PPP3CA: variants seen among roughly 807,000 people sequenced by gnomAD.
The protein encoded by PPP3CA is protein phosphatase 3 catalytic subunit alpha.
PPP3CA carries 14 observed loss-of-function variants against 66.5 expected under a neutral mutation model. The ratio of observed to expected loss-of-function variants is 0.21; its 90% confidence interval spans 0.14 to 0.33. PPP3CA has a LOEUF of 0.33. Ranked by LOEUF, PPP3CA falls within the 10% of genes least tolerant of loss-of-function variation. The probability of loss-of-function intolerance (pLI) is 1.00; values close to 1 mark genes in which losing one functional copy is unlikely to be tolerated. For missense variants in PPP3CA, 317 were observed against 639.5 expected, an observed-to-expected ratio of 0.50 and a Z score of 5.44; for synonymous variants, 232 against 226.2, an observed-to-expected ratio of 1.03 and a Z score of -0.23.
chr4:101,027,922 T>C (rs1405129330), intron 13 of PPP3CA, among the ~76,000 whole-genome samples: 1 of 152,170 alleles, frequency 6.6e-6, no homozygotes, highest in East Asian at 1.9e-4. Flanking sequence ...GTAGTATACT[T>C]AACACAACAC....
At chr4:101,102,913 C>T (rs1031552866) in intron 3 of PPP3CA, among the ~76,000 whole-genome samples, 2 of 152,082 alleles carry the variant, frequency 1.3e-5, no homozygotes, top group African/African-American at 2.4e-5. Flanking sequence ...TCAACTGGAC[C>T]GCTATTGTCT....
chr4:101,062,805 T>C (rs1728524902), intron 9 of PPP3CA, among the ~76,000 whole-genome samples: 1 of 152,014 alleles, frequency 6.6e-6, no homozygotes, highest in South Asian at 2.1e-4. Context: ...CAATAATTTA[T>C]TAACATCAGA....
At chr4:101,137,347 G>A (rs1301222219) in intron 2 of PPP3CA, among the ~76,000 whole-genome samples, 1 of 152,072 alleles carries the variant, frequency 6.6e-6, no homozygotes, top group African/African-American at 2.4e-5. Flanking sequence ...ACTGAGTCAT[G>A]CCCTGAAATA....
At chr4:101,208,231 T>TCA (rs3840151) in intron 1 of PPP3CA, among the ~76,000 whole-genome samples, 13,331 of 151,358 alleles carry the variant, frequency 0.088, 714 homozygotes, top group East Asian at 0.23. Flanking sequence ...TGAAAAGTAA[T>TCA]CACACACACA....
At chr4:101,333,841 C>T (rs890143741) in intron 1 of PPP3CA, among the ~76,000 whole-genome samples, 5 of 152,120 alleles carry the variant, frequency 3.3e-5, no homozygotes, top group Admixed American at 1.3e-4. Flanking sequence ...AGGATGTAGC[C>T]CCTTCTGCTA....
intron 2 of PPP3CA, among the ~76,000 whole-genome samples, chr4:101,181,675 C>G (rs937246763): frequency 6.6e-6 from 1 of 152,020 alleles, no homozygotes; most frequent in African/African-American, 2.4e-5. Flanking sequence ...AAAAGAAACA[C>G]ATTACAATGA....
intron 2 of PPP3CA, among the ~76,000 whole-genome samples, chr4:101,189,653 AGTTAAAAAGTACAGTGTTTATG>A (rs1724527644): frequency 7.1e-6 from 1 of 141,506 alleles, no homozygotes; most frequent in Non-Finnish European, 1.5e-5. Context: ...GAACACTAAG[AGTTAAAAAGTACAGTGTTTATG>A]ATAGTGAACG....
At chr4:101,044,983 C>T (rs934674341) in intron 10 of PPP3CA, among the ~76,000 whole-genome samples, 5 of 152,232 alleles carry the variant, frequency 3.3e-5, no homozygotes, top group African/African-American at 1.2e-4. Flanking sequence ...AAGAGAGATT[C>T]TTACCACCTG....
chr4:101,088,803 A>C (rs1319035220), intron 6 of PPP3CA, among the ~76,000 whole-genome samples: 1 of 152,104 alleles, frequency 6.6e-6, no homozygotes, highest in Non-Finnish European at 1.5e-5. Context: ...CTAAAAATAA[A>C]GGTCTTGAAT....
At chr4:101,225,674 T>A (rs902592752) in intron 1 of PPP3CA, among the ~76,000 whole-genome samples, 7 of 151,684 alleles carry the variant, frequency 4.6e-5, no homozygotes, top group African/African-American at 7.2e-5. Context: ...TTAAGAGAAA[T>A]TTAAAATAGA....
intron 2 of PPP3CA, among the ~76,000 whole-genome samples, chr4:101,153,819 A>G (rs569909240): frequency 2.6e-5 from 4 of 152,306 alleles, no homozygotes; most frequent in Non-Finnish European, 4.4e-5. Flanking sequence ...CATTAAGAGA[A>G]CCACTGTGTG....
intron 2 of PPP3CA, among the ~76,000 whole-genome samples, chr4:101,110,552 C>A (rs1721635283): frequency 1.3e-5 from 2 of 152,134 alleles, no homozygotes. Context: ...TAATGCATCC[C>A]TTTGGTAGAC....
intron 1 of PPP3CA, among the ~76,000 whole-genome samples, chr4:101,275,401 C>A (rs1727458124): frequency 6.6e-6 from 1 of 152,192 alleles, no homozygotes; most frequent in Admixed American, 6.5e-5. Flanking sequence ...GTTATACCTT[C>A]TTTCACGTCA....
intron 2 of PPP3CA, among the ~76,000 whole-genome samples, chr4:101,153,920 G>GAA (rs199710610): frequency 6.8e-6 from 1 of 146,572 alleles, no homozygotes; most frequent in Non-Finnish European, 1.5e-5. Context: ...GGATTCTACA[G>GAA]AAAAAAAAAA....
intron 4 of PPP3CA, 50 bp downstream of exon 4, chr4:101,099,561 T>C (rs1039603339): frequency 9.4e-7 from 1 of 1,065,164 alleles, no homozygotes; most frequent in Non-Finnish European, 1.4e-6. Context: ...TGATTAAAAT[T>C]ACTTTTTAGC....
chr4:101,345,353 A>C (rs1008468912), intron 1 of PPP3CA, among the ~76,000 whole-genome samples: 2 of 152,158 alleles, frequency 1.3e-5, no homozygotes, highest in African/African-American at 4.8e-5. Flanking sequence ...CTTGTGTATC[A>C]TGGTCTTTGG....
intron 6 of PPP3CA, among the ~76,000 whole-genome samples, chr4:101,084,066 T>C (rs562297683): frequency 4.6e-5 from 7 of 152,198 alleles, no homozygotes; most frequent in Non-Finnish European, 1.0e-4. Flanking sequence ...AGTCATTATG[T>C]CTCTGCTCTA....
At chr4:101,106,466 A>AG (rs1730745598) in intron 3 of PPP3CA, among the ~76,000 whole-genome samples, 1 of 67,378 alleles carries the variant, frequency 1.5e-5, no homozygotes, top group African/African-American at 9.9e-5. Flanking sequence ...AAAAGAAAAG[A>AG]AAAGAAAAGA....
At chr4:101,173,689 C>T (rs1723959339) in intron 2 of PPP3CA, among the ~76,000 whole-genome samples, 1 of 151,966 alleles carries the variant, frequency 6.6e-6, no homozygotes, top group Non-Finnish European at 1.5e-5. Flanking sequence ...AAAAAAATTC[C>T]TGATTTAGCT....
Sources: allele counts gnomAD v4.1 joint callset (sites outside exome capture counted in the v4.1 genomes callset), GRCh38; gene constraint gnomAD v4.1.1; transcripts MANE v1.5; gene names NCBI Gene and HGNC (gene_info 2026-07-23, HGNC 2026-07-21).